CSMD3: variants seen among roughly 807,000 people sequenced by gnomAD.
CSMD3 encodes CUB and Sushi multiple domains 3.
A neutral mutation model predicts 435.2 loss-of-function variants in CSMD3; 177 were observed. The ratio of observed to expected loss-of-function variants is 0.41; its 90% confidence interval spans 0.36 to 0.46. CSMD3 has a LOEUF of 0.46. Among genes scored for constraint, CSMD3 ranks in the 20% least tolerant of loss-of-function variants. The pLI, the probability that CSMD3 is intolerant of heterozygous loss-of-function variation, is 0.34. For missense variants in CSMD3, 4,265 were observed against 4,504.6 expected (o/e 0.95, Z 1.52); for synonymous variants, 1,656 against 1,520.5 (o/e 1.09, Z -2.07).
At chr8:112,241,958 C>T (rs746181322) in intron 65 of CSMD3, among the ~76,000 whole-genome samples, 173 bp from the exon 66 acceptor site, 43 of 152,060 alleles carry the variant, frequency 2.8e-4, no homozygotes, top group Non-Finnish European at 5.0e-4. Context: ...CATCTCAGTC[C>T]CCTACTCAGC....
At chr8:112,238,773 G>C (rs1183804076) in intron 66 of CSMD3, among the ~76,000 whole-genome samples, 1 of 150,142 alleles carries the variant, frequency 6.7e-6, no homozygotes, top group Admixed American at 6.7e-5. Flanking sequence ...TGCAAATATT[G>C]CAATTATCAT....
At chr8:113,404,987 T>A (rs1383054211) in intron 1 of CSMD3, among the ~76,000 whole-genome samples, 3 of 151,476 alleles carry the variant, frequency 2.0e-5, no homozygotes, top group Admixed American at 2.0e-4. Context: ...TCAAATTAAG[T>A]CTATGTTGCC....
At chr8:112,478,423 T>C (rs1819284768) in intron 31 of CSMD3, among the ~76,000 whole-genome samples, 1 of 152,180 alleles carries the variant, frequency 6.6e-6, no homozygotes, top group African/African-American at 2.4e-5. Flanking sequence ...GAAGTCTAAG[T>C]TGACAAGGTC....
intron 24 of CSMD3, among the ~76,000 whole-genome samples, chr8:112,566,208 C>A (rs1281442996): frequency 2.6e-5 from 4 of 151,936 alleles, no homozygotes; most frequent in Non-Finnish European, 4.4e-5. Context: ...ATTCTAGAGG[C>A]AAAGACTCTC....
chr8:112,603,325 T>G (rs1832528022), intron 22 of CSMD3, among the ~76,000 whole-genome samples: 1 of 152,204 alleles, frequency 6.6e-6, no homozygotes, highest in Non-Finnish European at 1.5e-5. Flanking sequence ...ATTACACAAA[T>G]CAAATTTTAC....
intron 49 of CSMD3, among the ~76,000 whole-genome samples, chr8:112,312,471 G>A (rs1420596050): frequency 1.3e-5 from 2 of 152,038 alleles, no homozygotes; most frequent in Non-Finnish European, 2.9e-5. Flanking sequence ...GGCTAGGCTG[G>A]TCTCGAACTC....
At chr8:112,392,784 C>T (rs1830536316) in intron 35 of CSMD3, among the ~76,000 whole-genome samples, 1 of 150,844 alleles carries the variant, frequency 6.6e-6, no homozygotes, top group African/African-American at 2.4e-5. Flanking sequence ...TAAAATATGA[C>T]ATGTTGCTTC....
chr8:112,678,011 A>G (rs1448357785), intron 16 of CSMD3, among the ~76,000 whole-genome samples: 1 of 152,104 alleles, frequency 6.6e-6, no homozygotes, highest in African/African-American at 2.4e-5. Flanking sequence ...AATTTTTTGT[A>G]TTATTTATAC....
At chr8:112,618,434 G>A (rs1833816983) in intron 22 of CSMD3, among the ~76,000 whole-genome samples, 1 of 152,036 alleles carries the variant, frequency 6.6e-6, no homozygotes, top group South Asian at 2.1e-4. Context: ...TTTTGTAGGA[G>A]GAAACATCCT....
At position 112,305,024 on chromosome 8, in the gene CSMD3, G is replaced by A. The variant is rs1821290812; in HGVS notation, c.8072-109C>T. On this transcript the variant is annotated intron_variant, in intron 51 of 70. Transcript: ENST00000297405. Reference sequence around the variant, plus strand: ...ATTCACTTACTCTTGCACTATACAAGGTCCTTTAGCATTTGTTCTTTATTT... The same window carrying A: ...ATTCACTTACTCTTGCACTATACAAAGTCCTTTAGCATTTGTTCTTTATTT... 8.8e-6 allele frequency: 7 copies of A among 797,346 alleles called. No individual in the cohort carries two copies. The Admixed American group carries it at 1.0e-4, about 12-fold the overall frequency. The allele number at this position is 797,346 out of a possible 1,614,324, so 49.4% of individuals were successfully genotyped here.
chr8:112,496,438 C>T (rs1821351410), intron 30 of CSMD3, among the ~76,000 whole-genome samples: 1 of 152,042 alleles, frequency 6.6e-6, no homozygotes, highest in Admixed American at 6.6e-5. Context: ...CCATATGATC[C>T]AGCAATCCCA....
intron 27 of CSMD3, among the ~76,000 whole-genome samples, chr8:112,536,767 C>T (rs1490080550): frequency 6.6e-6 from 1 of 150,868 alleles, no homozygotes; most frequent in Non-Finnish European, 1.5e-5. Context: ...TTGGAACCAA[C>T]CCAAATGTCC....
chr8:112,365,856 TG>T (rs1827738899), intron 38 of CSMD3, among the ~76,000 whole-genome samples: 3 of 152,190 alleles, frequency 2.0e-5, no homozygotes, highest in Non-Finnish European at 4.4e-5. Context: ...AGAGGATCAA[TG>T]TTTAACAGAA....
At chr8:112,707,229 AT>A (rs1443878366) in intron 13 of CSMD3, among the ~76,000 whole-genome samples, 2 of 152,072 alleles carry the variant, frequency 1.3e-5, no homozygotes, top group African/African-American at 4.8e-5. Context: ...TGGAAATATA[AT>A]TTTGTATATC....
At chr8:112,569,871 T>C (rs1829365175) in intron 24 of CSMD3, among the ~76,000 whole-genome samples, 2 of 152,176 alleles carry the variant, frequency 1.3e-5, no homozygotes, top group South Asian at 2.1e-4. Context: ...AACCTGACCT[T>C]TAATACGCCC....
At chr8:113,436,492 C>G (rs2094706779) in intron 1 of CSMD3, among the ~76,000 whole-genome samples, 185 bp downstream of exon 1, 1 of 152,200 alleles carries the variant, frequency 6.6e-6, no homozygotes, top group South Asian at 2.1e-4. Context: ...CCGCATTGAA[C>G]GCCAAATCTG....
At chr8:112,960,825 G>A (rs530663940) in intron 7 of CSMD3, among the ~76,000 whole-genome samples, 1 of 151,800 alleles carries the variant, frequency 6.6e-6, no homozygotes, top group South Asian at 2.1e-4. Flanking sequence ...TTAGGAAATA[G>A]TATATATTCA....
intron 38 of CSMD3, among the ~76,000 whole-genome samples, chr8:112,359,260 T>C (rs1005833644): frequency 3.3e-5 from 5 of 152,210 alleles, no homozygotes; most frequent in African/African-American, 1.2e-4. Flanking sequence ...ATGATAATGC[T>C]TTATATGTAT....
intron 63 of CSMD3, among the ~76,000 whole-genome samples, chr8:112,250,871 G>T (rs2130208063): frequency 6.6e-6 from 1 of 151,652 alleles, no homozygotes; most frequent in South Asian, 2.1e-4. Context: ...ATGCATTATA[G>T]AATTTTAAGA....
Sources: gnomAD v4.1 joint callset for allele counts (sites outside exome capture counted in the v4.1 genomes callset) on GRCh38, gnomAD v4.1.1 for gene constraint, MANE v1.5 for transcripts, NCBI Gene and HGNC (gene_info 2026-07-23, HGNC 2026-07-21) for gene names.